The following GRID2 variants were observed in gnomAD, a reference collection of about 807,000 sequenced individuals.
GRID2 encodes glutamate receptor ionotropic, delta-2.
Under a neutral mutation model 114.8 loss-of-function variants are expected in GRID2, and 33 were observed. The ratio of observed to expected loss-of-function variants is 0.29; its 90% CI spans 0.22 to 0.38. The LOEUF (loss-of-function observed/expected upper bound fraction) is 0.38. GRID2 is among the 10% of genes least tolerant of loss of function. The pLI, the probability that GRID2 is intolerant of heterozygous loss-of-function variation, is 1.00. For missense variants in GRID2, 1,184 were observed against 1,257.7 expected (o/e 0.94, Z 0.89); for synonymous variants, 505 against 449.9 (o/e 1.12, Z -1.55).
At chr4:93,782,540 A>G (rs2110351771) in intron 1 of GRID2, among the ~76,000 whole-genome samples, 1 of 152,242 alleles carries the variant, frequency 6.6e-6, no homozygotes, top group East Asian at 1.9e-4. Flanking sequence ...AATACTCATC[A>G]TCACAAATCC....
chr4:92,959,434 C>G (rs1331149256), intron 2 of GRID2, among the ~76,000 whole-genome samples: 1 of 151,184 alleles, frequency 6.6e-6, no homozygotes, highest in East Asian at 1.9e-4. Context: ...GTTAAGATGT[C>G]TTCTTTGACC....
At chr4:92,556,752 C>T (rs1579576183) in intron 1 of GRID2, among the ~76,000 whole-genome samples, 1 of 152,094 alleles carries the variant, frequency 6.6e-6, no homozygotes, top group Admixed American at 6.6e-5. Flanking sequence ...GCCTTGTGGG[C>T]CTCTCCACAG....
At chr4:93,601,328 C>T (rs1250902035) in intron 13 of GRID2, among the ~76,000 whole-genome samples, 1 of 152,184 alleles carries the variant, frequency 6.6e-6, no homozygotes, top group Non-Finnish European at 1.5e-5. Context: ...ACTCACCCCT[C>T]TCCTATACAT....
exon 2 of GRID2, chr4:93,807,545 G>T (rs1735055960): frequency 6.6e-6 from 1 of 152,080 alleles, no homozygotes; most frequent in Non-Finnish European, 1.5e-5. Context: ...GGCTAATGTA[G>T]AGCCTCCAGT....
chr4:92,843,500 G>A (rs182794082), intron 2 of GRID2, among the ~76,000 whole-genome samples: 22 of 151,930 alleles, frequency 1.4e-4, no homozygotes, highest in African/African-American at 5.3e-4. Context: ...TACTTAAAAT[G>A]GTAATATTAA....
At chr4:93,688,977 G>T (rs529617368) in intron 14 of GRID2, among the ~76,000 whole-genome samples, 1 of 151,976 alleles carries the variant, frequency 6.6e-6, no homozygotes, top group Non-Finnish European at 1.5e-5. Flanking sequence ...TGTATTTAAA[G>T]ACGGGGTTTT....
exon 2 of GRID2, chr4:93,809,234 T>C (rs1382337055): frequency 6.6e-6 from 1 of 152,184 alleles, no homozygotes; most frequent in Non-Finnish European, 1.5e-5. Context: ...TTTCTGATTA[T>C]TTCATATGGA....
At chr4:92,992,841 T>C (rs947134125) in intron 2 of GRID2, among the ~76,000 whole-genome samples, 15 of 152,210 alleles carry the variant, frequency 9.9e-5, no homozygotes, top group African/African-American at 3.6e-4. Context: ...TTCCTGCTGC[T>C]GTCTGCCTTT....
At chr4:93,427,456 A>T (rs1048437009) in intron 10 of GRID2, among the ~76,000 whole-genome samples, 2 of 152,006 alleles carry the variant, frequency 1.3e-5, no homozygotes, top group Non-Finnish European at 2.9e-5. Context: ...AACAGGATTA[A>T]CTCGTGTGCC....
intron 2 of GRID2, among the ~76,000 whole-genome samples, chr4:92,811,360 TTTAC>T: frequency 6.6e-6 from 1 of 152,220 alleles, no homozygotes; most frequent in East Asian, 1.9e-4. Context: ...CAAATTTTCT[TTTAC>T]TTAATATTTT....
In GRID2 at chr4:92,902,384, C is replaced by A. The variant is rs531774279; in HGVS notation, c.245-182611C>A. 2.3e-3 allele frequency among the ~76,000 whole-genome samples: 356 copies of A among 152,070 alleles called. 2 individuals carry two copies. Among genetic ancestry groups the A allele is most frequent in the Middle Eastern group, 6.8e-3 (2 of 294 alleles). On this transcript the variant is annotated intron_variant, in intron 2 of 15. Transcript: ENST00000282020. Reference sequence around the variant, plus strand: ...GGTCTATCAGTTTTGTTCATCCTTTCAAATAATTTCTTGTGTTGTTGATTC... The same window carrying A: ...GGTCTATCAGTTTTGTTCATCCTTTAAAATAATTTCTTGTGTTGTTGATTC...
chr4:92,780,667 A>G (rs1276854103), intron 2 of GRID2, among the ~76,000 whole-genome samples: 1 of 152,118 alleles, frequency 6.6e-6, no homozygotes, highest in Admixed American at 6.6e-5. Context: ...GACTTCCTTC[A>G]GATAAGTAAC....
At chr4:93,400,415 T>C (rs988928987) in intron 9 of GRID2, among the ~76,000 whole-genome samples, 10 of 152,082 alleles carry the variant, frequency 6.6e-5, no homozygotes, top group Admixed American at 3.9e-4. Context: ...TCTTTACTTC[T>C]TACCAAGTGG....
intron 2 of GRID2, among the ~76,000 whole-genome samples, chr4:92,915,141 A>G (rs13104370): frequency 7.9e-5 from 12 of 152,098 alleles, no homozygotes; most frequent in African/African-American, 2.9e-4. Flanking sequence ...TTATTAAACC[A>G]TCAGATCTCA....
At chr4:92,823,741 C>T (rs1049263554) in intron 2 of GRID2, among the ~76,000 whole-genome samples, 2 of 152,072 alleles carry the variant, frequency 1.3e-5, no homozygotes, top group Admixed American at 1.3e-4. Context: ...ATCTGATAAA[C>T]TCTGAAATTC....
chr4:93,407,237 A>G (rs911505152), intron 9 of GRID2, among the ~76,000 whole-genome samples: 4 of 152,092 alleles, frequency 2.6e-5, no homozygotes, highest in Non-Finnish European at 2.9e-5. Flanking sequence ...ATGAGAATAG[A>G]TATCTTCAAA....
chr4:92,932,628 T>C (rs1353555454), intron 2 of GRID2, among the ~76,000 whole-genome samples: 3 of 151,274 alleles, frequency 2.0e-5, no homozygotes, highest in African/African-American at 7.3e-5. Context: ...ATATAGCACA[T>C]TTAATTCATA....
chr4:92,718,687 C>T (rs555760552), intron 2 of GRID2, among the ~76,000 whole-genome samples: 16 of 137,306 alleles, frequency 1.2e-4, no homozygotes, highest in African/African-American at 4.1e-4. Flanking sequence ...TGCTTGAACC[C>T]AGGTGATTGA....
chr4:92,953,599 T>C (rs1752178103), intron 2 of GRID2, among the ~76,000 whole-genome samples: 2 of 152,162 alleles, frequency 1.3e-5, no homozygotes, highest in South Asian at 4.1e-4. Flanking sequence ...TTATTGCATT[T>C]AATAGAAATT....
Sources: allele counts gnomAD v4.1 joint callset (sites outside exome capture counted in the v4.1 genomes callset), GRCh38; gene constraint gnomAD v4.1.1; transcripts MANE v1.5; gene names NCBI Gene and HGNC (gene_info 2026-07-23, HGNC 2026-07-21).